HAO2: variants seen among roughly 807,000 people sequenced by gnomAD.
The protein encoded by HAO2 is 2-Hydroxyacid oxidase 2.
Under a neutral mutation model 37.4 loss-of-function variants are expected in HAO2, and 42 were observed. The observed-to-expected ratio is 1.12, with a 90% CI of 0.88 to 1.45. The LOEUF is 1.45. HAO2 is among the 40% of genes most tolerant of loss of function. HAO2 has a pLI of 0.00. For synonymous variants in HAO2, 180 were observed against 162.8 expected (o/e 1.11, Z -0.81); for missense variants, 476 against 430.2 (o/e 1.11, Z -0.94).
intron 1 of HAO2, among the ~76,000 whole-genome samples, chr1:119,373,814 A>G (rs1232942574): frequency 6.6e-6 from 1 of 152,202 alleles, no homozygotes; most frequent in East Asian, 1.9e-4. Flanking sequence ...AAACAAAAAA[A>G]GGCTAATGAG....
At chr1:119,385,507 G>A in intron 4 of HAO2, 1 of 815,892 alleles carries the variant, frequency 1.2e-6, no homozygotes, top group Non-Finnish European at 1.5e-6. Context: ...GTCTAGACAG[G>A]CCAGGTTCTA....
intron 1 of HAO2, among the ~76,000 whole-genome samples, chr1:119,369,392 T>C (rs774394424): frequency 6.6e-6 from 1 of 152,204 alleles, no homozygotes; most frequent in Non-Finnish European, 1.5e-5. Context: ...ACAAATGGGT[T>C]ACAAAGTCCC....
At chr1:119,386,983 T>C (rs927598016) in intron 5 of HAO2, 152 bp downstream of exon 5, 4 of 611,652 alleles carry the variant, frequency 6.5e-6, no homozygotes, top group African/African-American at 4.5e-5. Flanking sequence ...TTAAGGACTG[T>C]TAATTATTAT....
intron 4 of HAO2, chr1:119,385,939 C>G: frequency 1.0e-6 from 1 of 957,486 alleles, no homozygotes; most frequent in Non-Finnish European, 1.2e-6. Context: ...AGTTCTTATC[C>G]TGGGTATGCC....
intron 4 of HAO2, among the ~76,000 whole-genome samples, chr1:119,386,223 T>A (rs1387878292): frequency 6.6e-6 from 1 of 152,180 alleles, no homozygotes; most frequent in Non-Finnish European, 1.5e-5. Context: ...TGTTTGTTTG[T>A]TTGTTTTTGA....
chr1:119,370,548 C>A (rs1390261946), intron 1 of HAO2, among the ~76,000 whole-genome samples: 1 of 152,108 alleles, frequency 6.6e-6, no homozygotes, highest in Admixed American at 6.5e-5. Flanking sequence ...TCATGGCAGC[C>A]CTATGGGATG....
At chr1:119,393,721 C>A in intron 7 of HAO2, 64 bp from the exon 8 acceptor site, 2 of 1,329,730 alleles carry the variant, frequency 1.5e-6, no homozygotes, top group Non-Finnish European at 2.2e-6. Flanking sequence ...TCACCCCTTA[C>A]CCATGATGAG....
At chr1:119,373,418 A>G (rs755120171) in intron 1 of HAO2, among the ~76,000 whole-genome samples, 50 of 152,184 alleles carry the variant, frequency 3.3e-4, no homozygotes, top group Non-Finnish European at 2.8e-4. Context: ...GCAGAGACAG[A>G]AGACCTGAGT....
Position 119,393,972 on chromosome 1 carries a change from C to T in HAO2, c.*132C>T, listed in dbSNP as rs2101300919. ...CTCATGGCCCATATTTCCCACATTT[C>T]TAATACCACCACCCCTGTGCTTCAG... On this transcript the variant is annotated 3_prime_UTR_variant, in exon 8 of 8. Transcript: ENST00000325945. 1.3e-6 allele frequency: 2 copies of T among 1,534,082 alleles called. No individual in the cohort carries two copies. Among genetic ancestry groups the T allele is most frequent in the East Asian group, 4.8e-5 (2 of 41,504 alleles).
At chr1:119,385,508 C>A (rs966220386) in intron 4 of HAO2, 1 of 811,480 alleles carries the variant, frequency 1.2e-6, no homozygotes, top group Non-Finnish European at 1.5e-6. Flanking sequence ...TCTAGACAGG[C>A]CAGGTTCTAC....
At chr1:119,371,321 C>G (rs1338399537) in intron 1 of HAO2, among the ~76,000 whole-genome samples, 2 of 152,116 alleles carry the variant, frequency 1.3e-5, no homozygotes, top group Non-Finnish European at 2.9e-5. Flanking sequence ...CTCTGATTGC[C>G]CACTGGATTG....
At chr1:119,376,669 C>T (rs1649495380) in intron 1 of HAO2, among the ~76,000 whole-genome samples, 2 of 152,270 alleles carry the variant, frequency 1.3e-5, no homozygotes, top group Admixed American at 1.3e-4. Flanking sequence ...TGTTTCTATA[C>T]ATCCTCTGAA....
intron 1 of HAO2, chr1:119,380,772 TG>T (rs767675044): frequency 8.2e-7 from 1 of 1,216,946 alleles, no homozygotes; most frequent in Admixed American, 1.7e-5. Context: ...TAAGAAGTGG[TG>T]GGGCCTCAAC....
intron 7 of HAO2, among the ~76,000 whole-genome samples, chr1:119,393,059 A>G (rs1651037923): frequency 6.6e-6 from 1 of 152,152 alleles, no homozygotes; most frequent in African/African-American, 2.4e-5. Context: ...TCTCATTAGT[A>G]TATTTTTGTG....
At chr1:119,391,513 G>C (rs1485254006) in intron 5 of HAO2, among the ~76,000 whole-genome samples, 2 of 152,180 alleles carry the variant, frequency 1.3e-5, no homozygotes, top group East Asian at 3.9e-4. Context: ...TCTGTCAAAG[G>C]CTCAAACTTT....
chr1:119,390,882 A>G (rs181479062), intron 5 of HAO2, among the ~76,000 whole-genome samples: 5 of 152,134 alleles, frequency 3.3e-5, no homozygotes, highest in African/African-American at 7.2e-5. Context: ...CACTGACCTC[A>G]GGCACAGACT....
In HAO2 at chr1:119,384,793, A is replaced by G. The variant is rs756096934; in HGVS notation, c.301A>G (p.Ile101Val). ...STARAAQAAGICYITSTFASC... is the reference protein window; with the variant it reads ...STARAAQAAGVCYITSTFASC... ...CTTTACAGCTGCCCAAGCGGCTGGT[A>G]TCTGCTACATCACCAGCACATTTGC... The change falls in exon 4 of 8, where the codon ATC (isoleucine) becomes GTC (valine). Residue 101 changes from isoleucine to valine, a missense_variant. Coordinates refer to ENST00000325945, the MANE Select transcript of HAO2 (RefSeq NM_016527.4). The G allele has an allele frequency of 1.2e-6, 2 of 1,613,852 alleles. No individual in the cohort carries two copies. The highest frequency in any genetic ancestry group is 1.7e-6 in the Non-Finnish European group (2 of 1,179,824).
intron 4 of HAO2, chr1:119,385,453 A>C: frequency 1.3e-6 from 1 of 792,580 alleles, no homozygotes; most frequent in Non-Finnish European, 1.5e-6. Flanking sequence ...AGACAAACTG[A>C]CTCTCCAAAG....
chr1:119,393,905 G>A lies in HAO2; in HGVS notation c.*65G>A, dbSNP rs587623692. ...AGGAGGATCACAAACTCACAGCACAGTGTGTGATGCTGTCCTTCCTGGACC... is the reference window on the plus strand; with the variant it reads ...AGGAGGATCACAAACTCACAGCACAATGTGTGATGCTGTCCTTCCTGGACC... On this transcript the variant is annotated 3_prime_UTR_variant, in exon 8 of 8. Transcript: ENST00000325945. The A allele has an allele frequency of 3.7e-6, 6 of 1,610,088 alleles. No individual in the cohort carries two copies. The South Asian group carries it at 4.4e-5, about 12-fold the overall frequency.
Sources: gnomAD v4.1 joint callset for allele counts (sites outside exome capture counted in the v4.1 genomes callset) on GRCh38, gnomAD v4.1.1 for gene constraint, MANE v1.5 for transcripts, NCBI Gene and HGNC (gene_info 2026-07-23, HGNC 2026-07-21) for gene names.